BMPER: variants seen among roughly 807,000 people sequenced by gnomAD.
BMPER encodes the protein BMP-binding endothelial regulator protein.
Under a neutral mutation model 87.3 loss-of-function variants are expected in BMPER, and 45 were observed. The observed-to-expected ratio is 0.52, with a 90% CI of 0.41 to 0.66. The LOEUF (loss-of-function observed/expected upper bound fraction) is 0.66, where lower values mean the gene tolerates loss of function less well. Ranked by LOEUF, BMPER falls within the 30% of genes least tolerant of loss-of-function variation. The pLI is 0.00. For missense variants in BMPER, 784 were observed against 867.5 expected (o/e 0.90, Z 1.21); for synonymous variants, 326 against 316.2 (o/e 1.03, Z -0.33).
At chr7:33,940,045 T>C (rs967444561) in intron 3 of BMPER, 8 of 242,432 alleles carry the variant, frequency 3.3e-5, no homozygotes, top group Non-Finnish European at 7.7e-5. Flanking sequence ...TTAATTGGAA[T>C]TGTAACTTAT....
chr7:34,083,894 T>C (rs1052911430), intron 12 of BMPER, among the ~76,000 whole-genome samples: 1 of 152,014 alleles, frequency 6.6e-6, no homozygotes, highest in Non-Finnish European at 1.5e-5. Context: ...AATCTTGATC[T>C]TTCAGGAACA....
chr7:33,949,302 C>T (rs1784963929), intron 3 of BMPER, among the ~76,000 whole-genome samples: 1 of 152,070 alleles, frequency 6.6e-6, no homozygotes, highest in Non-Finnish European at 1.5e-5. Context: ...TTAAAAGCAC[C>T]CAAAAATATC....
intron 6 of BMPER, among the ~76,000 whole-genome samples, chr7:34,003,499 A>G (rs1293507071): frequency 1.3e-5 from 2 of 151,808 alleles, no homozygotes; most frequent in East Asian, 3.9e-4. Flanking sequence ...AAAATTAAAT[A>G]CTCTCTTTTA....
intron 2 of BMPER, among the ~76,000 whole-genome samples, chr7:33,909,655 C>T: frequency 7.6e-6 from 1 of 130,724 alleles, no homozygotes; most frequent in Admixed American, 9.0e-5. Context: ...TGAGTATAAG[C>T]TCATATCTTA....
At chr7:33,988,139 C>A (rs1036130801) in intron 6 of BMPER, among the ~76,000 whole-genome samples, 2 of 152,070 alleles carry the variant, frequency 1.3e-5, no homozygotes, top group Non-Finnish European at 2.9e-5. Context: ...TTTTATTAAA[C>A]AAGTGTTTAG....
intron 6 of BMPER, among the ~76,000 whole-genome samples, chr7:34,037,138 T>TCA (rs1353847212): frequency 1.3e-5 from 2 of 151,920 alleles, no homozygotes; most frequent in Admixed American, 1.3e-4. Flanking sequence ...GAGTTTGAGG[T>TCA]CACAGTGAAC....
At chr7:33,926,286 CAT>C (rs886455624) in intron 2 of BMPER, among the ~76,000 whole-genome samples, 2 of 152,340 alleles carry the variant, frequency 1.3e-5, no homozygotes, top group Admixed American at 1.3e-4. Flanking sequence ...CCCCATGCCA[CAT>C]GTTTCTAATA....
In BMPER at chr7:33,908,322, G is replaced by A. The variant is rs901363748; in HGVS notation, c.219+1419G>A. On this transcript the variant is annotated intron_variant, in intron 2 of 14. Coordinates refer to ENST00000649409, the MANE Select transcript of BMPER (RefSeq NM_001365308.1). ...TGACCAAGTAATATTTAAATGTGCC[G>A]AGAGCTTTGCATATAAATATATTGT... Among the ~76,000 whole-genome samples, 6 of 152,046 alleles carry A rather than the reference G, an allele frequency of 3.9e-5. No individual in the cohort carries two copies. The East Asian group carries it at 7.7e-4, about 20-fold the overall frequency.
chr7:33,932,057 A>G (rs775552954), intron 2 of BMPER, among the ~76,000 whole-genome samples: 3 of 152,164 alleles, frequency 2.0e-5, no homozygotes, highest in Non-Finnish European at 4.4e-5. Context: ...CACTGAGTAT[A>G]GTGATACGTG....
At chr7:34,075,628 A>G (rs905218614) in intron 11 of BMPER, among the ~76,000 whole-genome samples, 2 of 152,132 alleles carry the variant, frequency 1.3e-5, no homozygotes, top group Non-Finnish European at 2.9e-5. Flanking sequence ...TAGTTTCAGG[A>G]TGGTCTATTT....
chr7:33,942,813 T>C (rs1159831098), intron 3 of BMPER, among the ~76,000 whole-genome samples: 1 of 152,140 alleles, frequency 6.6e-6, no homozygotes, highest in Non-Finnish European at 1.5e-5. Context: ...TGAAAATCAG[T>C]AGAATGATTA....
intron 3 of BMPER, among the ~76,000 whole-genome samples, chr7:33,960,487 A>G (rs1785241252): frequency 6.6e-6 from 1 of 152,216 alleles, no homozygotes; most frequent in Non-Finnish European, 1.5e-5. Flanking sequence ...GTGGCCTGGA[A>G]GCAGCAAAGC....
At chr7:34,021,650 T>C (rs1294465506) in intron 6 of BMPER, among the ~76,000 whole-genome samples, 1 of 152,044 alleles carries the variant, frequency 6.6e-6, no homozygotes, top group Non-Finnish European at 1.5e-5. Flanking sequence ...TTCTAATGCT[T>C]TACTGAAGGC....
intron 6 of BMPER, among the ~76,000 whole-genome samples, chr7:33,980,594 T>C (rs1241591613): frequency 6.6e-6 from 1 of 151,612 alleles, no homozygotes; most frequent in Non-Finnish European, 1.5e-5. Flanking sequence ...GATGTTTGTG[T>C]TCTTTTTACC....
chr7:33,905,760 CGGGAGGG>C lies in BMPER; in HGVS notation c.133+15_133+21del. ...CCTTCTTGACAGGTAGGGGAGGGGG[CGGGAGGG>C]ACCGGCCCTCCGGGACGCCGGTTTG... On this transcript the variant is annotated intron_variant, in intron 1 of 14. Coordinates refer to ENST00000649409, the MANE Select transcript of BMPER (RefSeq NM_001365308.1). 1 of 568,196 alleles carries C rather than the reference CGGGAGGG, an allele frequency of 1.8e-6. No homozygotes were observed. Among genetic ancestry groups the C allele is most frequent in the Non-Finnish European group, 3.0e-6 (1 of 336,584 alleles). The allele number at this position is 568,196 out of a possible 1,614,324, so 35.2% of individuals were successfully genotyped here. A position where few individuals can be genotyped will look rare whatever the true frequency, so the allele number is the denominator to read the frequency against.
chr7:34,079,255 G>T, intron 12 of BMPER, 69 bp downstream of exon 12: 1 of 1,585,742 alleles, frequency 6.3e-7, no homozygotes, highest in Non-Finnish European at 8.6e-7. Flanking sequence ...GCACTGCTCG[G>T]TTAGAGCACT....
intron 13 of BMPER, among the ~76,000 whole-genome samples, chr7:34,131,713 C>A (rs1330847083): frequency 6.6e-6 from 1 of 152,142 alleles, no homozygotes; most frequent in African/African-American, 2.4e-5. Flanking sequence ...TGGAGGTGGC[C>A]ATGGCCAACA....
chr7:34,111,931 C>G (rs1468022203), intron 13 of BMPER, among the ~76,000 whole-genome samples: 1 of 152,014 alleles, frequency 6.6e-6, no homozygotes, highest in Non-Finnish European at 1.5e-5. Flanking sequence ...AGGCTGATCT[C>G]GAACTCCCGA....
At chr7:34,030,592 G>A (rs538119411) in intron 6 of BMPER, among the ~76,000 whole-genome samples, 2 of 152,072 alleles carry the variant, frequency 1.3e-5, no homozygotes, top group Non-Finnish European at 2.9e-5. Context: ...TAGTTTAGAA[G>A]ATGCTGCAGG....
Sources: allele counts gnomAD v4.1 joint callset (sites outside exome capture counted in the v4.1 genomes callset), GRCh38; gene constraint gnomAD v4.1.1; transcripts MANE v1.5; gene names NCBI Gene and HGNC (gene_info 2026-07-23, HGNC 2026-07-21).